Variants in DENND4C observed in about 807,000 individuals in gnomAD.
DENND4C encodes the protein DENN domain containing 4C.
Under a neutral mutation model 203.0 loss-of-function variants are expected in DENND4C, and 108 were observed. The ratio of observed to expected loss-of-function variants is 0.53; its 90% CI spans 0.46 to 0.62. The LOEUF is 0.62. Among genes scored for constraint, DENND4C ranks in the 20% least tolerant of loss-of-function variants. The pLI is 0.00. For missense variants in DENND4C, 2,481 were observed against 2,301.2 expected, an observed-to-expected ratio of 1.08 and a Z score of -1.60; for synonymous variants, 871 against 792.4, an observed-to-expected ratio of 1.10 and a Z score of -1.67.
intron 2 of DENND4C, among the ~76,000 whole-genome samples, chr9:19,286,068 T>C (rs1476972513): frequency 1.3e-5 from 2 of 152,230 alleles, no homozygotes; most frequent in East Asian, 1.9e-4. Flanking sequence ...AGGAATTGCA[T>C]TGAATTTATT....
intron 1 of DENND4C, among the ~76,000 whole-genome samples, chr9:19,237,579 G>C (rs1822322261): frequency 6.6e-6 from 1 of 151,800 alleles, no homozygotes; most frequent in South Asian, 2.1e-4. Flanking sequence ...GGATGGTTAC[G>C]ATCTCCTCAC....
chr9:19,252,557 G>T (rs1248310802), intron 1 of DENND4C, among the ~76,000 whole-genome samples: 2 of 152,178 alleles, frequency 1.3e-5, no homozygotes, highest in African/African-American at 4.8e-5. Flanking sequence ...ACTCTAGCCT[G>T]AGTGACAGAG....
chr9:19,336,463 A>G (rs767344084), intron 19 of DENND4C, 49 bp downstream of exon 19: 3 of 1,561,856 alleles, frequency 1.9e-6, no homozygotes, highest in Non-Finnish European at 1.7e-6. Context: ...CATGAGCTTT[A>G]TAGGCATATG....
chr9:19,326,823 C>T (rs1195411179), intron 15 of DENND4C, among the ~76,000 whole-genome samples: 1 of 151,910 alleles, frequency 6.6e-6, no homozygotes, highest in Non-Finnish European at 1.5e-5. Flanking sequence ...CTATGTTTGC[C>T]TTTAGTGGTC....
intron 8 of DENND4C, 45 bp downstream of exon 8, chr9:19,299,332 G>T (rs2131300400): frequency 7.5e-7 from 1 of 1,331,426 alleles, no homozygotes; most frequent in Non-Finnish European, 1.0e-6. Context: ...AGTTGGAGCA[G>T]AATGCTTTAA....
chr9:19,290,944 A>G, intron 5 of DENND4C, 68 bp downstream of exon 5: 1 of 1,440,662 alleles, frequency 6.9e-7, no homozygotes, highest in South Asian at 1.3e-5. Flanking sequence ...GGTTAATACA[A>G]GTTTTATTTG....
intron 10 of DENND4C, 44 bp downstream of exon 10, chr9:19,305,571 C>G (rs1435090516): frequency 1.3e-6 from 2 of 1,548,250 alleles, no homozygotes; most frequent in Non-Finnish European, 1.8e-6. Flanking sequence ...ATATTTTTCA[C>G]TATGTAGAGT....
chr9:19,347,037 G>A lies in DENND4C; in HGVS notation c.4268G>A (p.Ser1423Asn). The A allele has an allele frequency of 6.2e-7, 1 of 1,614,108 alleles. No homozygotes were observed. Residue 1423 changes from serine (S) to asparagine (N), a missense_variant, in exon 23 of 33, where the codon AGT becomes AAT. Transcript: ENST00000434457. The part of the protein sequence containing the change: ...SGMKQAATVA[S>N]KMWVAVASAY... Reference sequence around the variant, plus strand: ...ATGAAACAAGCAGCGACAGTAGCCAGTAAGATGTGGGTAGCTGTTGCGTCT... The same window carrying A: ...ATGAAACAAGCAGCGACAGTAGCCAATAAGATGTGGGTAGCTGTTGCGTCT...
At position 19,341,574 on chromosome 9, in the gene DENND4C, T is replaced by A. The variant is rs183776056; in HGVS notation, c.3004+460T>A. ...ATCTTCCTGCCTCAGCCTCCCAAAG[T>A]GCTGGGATTACAGGTGTGAGCCACC... On this transcript the variant is annotated intron_variant, in intron 21 of 32. Coordinates refer to ENST00000434457, the MANE Select transcript of DENND4C (RefSeq NM_001330640.2). 1.2e-4 allele frequency among the ~76,000 whole-genome samples: 18 copies of A among 151,906 alleles called. 1 individual carries two copies. In the East Asian group the frequency reaches 3.5e-3, roughly 30 times the overall value.
At chr9:19,266,422 G>C (rs1383826553) in intron 1 of DENND4C, among the ~76,000 whole-genome samples, 1 of 152,160 alleles carries the variant, frequency 6.6e-6, no homozygotes, top group African/African-American at 2.4e-5. Context: ...TGTTCAATCT[G>C]ATGGTAGTTT....
At chr9:19,241,355 T>G (rs926634830) in intron 1 of DENND4C, among the ~76,000 whole-genome samples, 4 of 152,164 alleles carry the variant, frequency 2.6e-5, no homozygotes, top group Non-Finnish European at 4.4e-5. Flanking sequence ...AAATCCTTAT[T>G]CTGTAAGCTT....
chr9:19,241,913 G>C (rs1823841770), intron 1 of DENND4C, among the ~76,000 whole-genome samples: 1 of 151,894 alleles, frequency 6.6e-6, no homozygotes, highest in Admixed American at 6.6e-5. Flanking sequence ...GACATAGGTT[G>C]GGTGTGGTGG....
chr9:19,363,917 G>A (rs1827059101), intron 30 of DENND4C, among the ~76,000 whole-genome samples: 1 of 152,116 alleles, frequency 6.6e-6, no homozygotes, highest in Non-Finnish European at 1.5e-5. Flanking sequence ...AGGAGGCTGA[G>A]GCAGGAGAAT....
intron 1 of DENND4C, among the ~76,000 whole-genome samples, chr9:19,231,710 T>C (rs1820611802): frequency 6.6e-6 from 1 of 151,970 alleles, no homozygotes; most frequent in South Asian, 2.1e-4. Flanking sequence ...CGCGGGTACT[T>C]GTGCAAATTT....
At chr9:19,276,667 C>T (rs1441288304) in intron 2 of DENND4C, 188 bp downstream of exon 2, 1 of 388,550 alleles carries the variant, frequency 2.6e-6, no homozygotes, top group Non-Finnish European at 4.5e-6. Context: ...TACTGAATTT[C>T]TTTGCATTGC....
At chr9:19,335,237 TAA>T in intron 18 of DENND4C, 132 bp downstream of exon 18, 1 of 470,406 alleles carries the variant, frequency 2.1e-6, no homozygotes, top group Admixed American at 4.4e-5. Flanking sequence ...TTATAATTAT[TAA>T]AAATTGACAA....
chr9:19,277,673 C>T (rs1215882475), intron 2 of DENND4C, among the ~76,000 whole-genome samples: 1 of 151,854 alleles, frequency 6.6e-6, no homozygotes, highest in Middle Eastern at 3.2e-3. Flanking sequence ...TGTAATTACT[C>T]TGGCTAGAAC....
chr9:19,280,669 A>G (rs1833867091), intron 2 of DENND4C, among the ~76,000 whole-genome samples: 1 of 151,898 alleles, frequency 6.6e-6, no homozygotes, highest in South Asian at 2.1e-4. Flanking sequence ...TTTGTGTTCC[A>G]GCATTCACTG....
rs563706089 is a variant in DENND4C at position 19,319,381 on chromosome 9, C to CAT, written c.1807+2552_1807+2553dup. 7.7e-3 allele frequency among the ~76,000 whole-genome samples: 1,046 copies of CAT among 135,276 alleles called. 14 individuals are homozygous for CAT. Among genetic ancestry groups the CAT allele is most frequent in the African/African-American group, 0.024 (818 of 33,550 alleles). The allele number at this position is 135,276 out of a possible 152,430, so 88.7% of individuals were successfully genotyped here. ...ATATACACACATATATATACACATA[C>CAT]ATATATATATACATATATATATACA... On this transcript the variant is annotated intron_variant, in intron 12 of 32. Transcript: ENST00000434457.
Sources: gnomAD v4.1 joint callset for allele counts (sites outside exome capture counted in the v4.1 genomes callset) on GRCh38, gnomAD v4.1.1 for gene constraint, MANE v1.5 for transcripts, NCBI Gene and HGNC (gene_info 2026-07-23, HGNC 2026-07-21) for gene names.